Variants in ZNF346 observed in about 807,000 individuals in gnomAD.
ZNF346 encodes double-stranded RNA-binding zinc finger protein JAZ.
In ZNF346, 23 loss-of-function variants were observed where a neutral mutation model predicts 33.7. The ratio of observed to expected loss-of-function variants is 0.68; its 90% CI spans 0.49 to 0.97. The LOEUF (loss-of-function observed/expected upper bound fraction) is 0.97. Ranked by LOEUF, ZNF346 falls within the 50% of genes least tolerant of loss-of-function variation. The pLI is 0.00. For synonymous variants in ZNF346, 134 were observed against 142.4 expected, an observed-to-expected ratio of 0.94 and a Z score of 0.42; for missense variants, 340 against 371.1, an observed-to-expected ratio of 0.92 and a Z score of 0.69.
In ZNF346 at chr5:177,077,368, G is replaced by C. The variant is rs1346852312; in HGVS notation, c.*3-2014G>C. ...TATTTATAAAGGGTTTAAGAAAAAG[G>C]ATTAGCCGAAGAAAAAATTATTTGG... On this transcript the variant is annotated intron_variant, in intron 8 of 8. Transcript: ENST00000503039. The surrounding 1 kb of genome is among the most constrained non-coding windows in gnomAD (Gnocchi z 5.0). Among the ~76,000 whole-genome samples the C allele has an allele frequency of 6.6e-6, 1 of 152,162 alleles. No homozygotes were observed. Among genetic ancestry groups the C allele is most frequent in the Non-Finnish European group, 1.5e-5 (1 of 68,022 alleles).
chr5:177,079,025 C>G (rs1258034713), intron 8 of ZNF346, among the ~76,000 whole-genome samples: 2 of 151,916 alleles, frequency 1.3e-5, no homozygotes, highest in Admixed American at 6.6e-5. Flanking sequence ...AATCCCAGCA[C>G]TTTGGGAGGC....
chr5:177,058,904 G>GT (rs1212132799), intron 5 of ZNF346, among the ~76,000 whole-genome samples: 2 of 152,154 alleles, frequency 1.3e-5, no homozygotes, highest in Non-Finnish European at 2.9e-5. Context: ...GAATTTAGGT[G>GT]TTTTTGTTTT....
chr5:177,070,152 G>A (rs750923701), downstream of ZNF346, among the ~76,000 whole-genome samples: 4 of 152,166 alleles, frequency 2.6e-5, no homozygotes, highest in Admixed American at 6.6e-5. Context: ...TGGCTCTATT[G>A]ACTTACATCC....
In ZNF346 at chr5:177,050,880, T is replaced by C. The variant is rs1220059786; in HGVS notation, c.647T>C (p.Leu216Pro). Residue 216 changes from leucine (L) to proline (P), a missense_variant, in exon 5 of 7, where the codon CTC becomes CCC. Leu to Pro is a moderately conservative substitution (Grantham distance 98). Transcript: ENST00000358149. ...GKKHRKQETK[L>P]KLMARYGRLA... ...AAACACAGAAAACAGGAGACCAAGC[T>C]CAAACTAATGGCACGCTATGGGCGG... is the stretch of plus-strand genomic sequence containing the variant. 1 of 1,614,118 alleles carries C rather than the reference T, an allele frequency of 6.2e-7. No homozygotes were observed. Among genetic ancestry groups the C allele is most frequent in the Non-Finnish European group, 8.5e-7 (1 of 1,180,044 alleles).
chr5:177,028,421 G>C (rs1777135400), intron 1 of ZNF346, among the ~76,000 whole-genome samples: 1 of 147,000 alleles, frequency 6.8e-6, no homozygotes, highest in Non-Finnish European at 1.5e-5. Context: ...TTGCTGATTT[G>C]AGTGATTTGA....
In ZNF346 at chr5:177,066,641, A is replaced by G. The variant is rs1783193936; in HGVS notation, c.*2042A>G. Among the ~76,000 whole-genome samples, 1 of 152,016 alleles carries G rather than the reference A, an allele frequency of 6.6e-6. No homozygotes were observed. Among genetic ancestry groups the G allele is most frequent in the African/African-American group, 2.4e-5 (1 of 41,388 alleles). ...CCAGCTGCTCAGGAGGCTAAGGCAG[A>G]AAGACCATTCAAGCCCAGGAGTTCC... is the stretch of plus-strand genomic sequence containing the variant. On this transcript the variant is annotated 3_prime_UTR_variant, in exon 7 of 7. Transcript: ENST00000358149.
At chr5:177,041,314 T>C in intron 2 of ZNF346, 85 bp downstream of exon 2, 1 of 1,142,702 alleles carries the variant, frequency 8.8e-7, no homozygotes, top group Non-Finnish European at 1.3e-6. Flanking sequence ...TGGTGAAGTG[T>C]AATTGCTGCT....
rs1561984011 is a variant in ZNF346, at chr5:177,038,875, C to CG, written c.176-2251_176-2250insG. Among the ~76,000 whole-genome samples the CG allele has an allele frequency of 7.6e-3, 679 of 89,158 alleles. 6 individuals carry two copies. Among genetic ancestry groups the CG allele is most frequent in the African/African-American group, 0.028 (470 of 16,980 alleles). The allele number at this position is 89,158 out of a possible 152,430, so 58.5% of individuals were successfully genotyped here. ...TTTTTTCTTCTTTTTTCTTCTTCTTCTTGTGTGTGTGTGTGTGTGTGTGTG... is the reference window on the plus strand; with the variant it reads ...TTTTTTCTTCTTTTTTCTTCTTCTTCGTTGTGTGTGTGTGTGTGTGTGTGTG... On this transcript the variant is annotated intron_variant, in intron 1 of 6. Transcript: ENST00000358149.
chr5:177,064,552 A>G lies in ZNF346; in HGVS notation c.838A>G (p.Met280Val), dbSNP rs1232655796. Residue 280 changes from methionine to valine, a missense_variant, in exon 7 of 7, where the codon ATG (methionine) becomes GTG (valine). Met to Val is a conservative substitution (Grantham distance 21). Coordinates refer to ENST00000358149, the MANE Select transcript of ZNF346 (RefSeq NM_012279.4). ...TVASSLGQIP[M>V]QRQPIQKDST... ...GGCATCATCCCTGGGCCAGATTCCA[A>G]TGCAAAGGCAACCCATTCAGAAAGA... The G allele has an allele frequency of 6.2e-6, 10 of 1,614,106 alleles. No homozygotes were observed. Among genetic ancestry groups the G allele is most frequent in the African/African-American group, 5.3e-5 (4 of 74,938 alleles).
chr5:177,041,400 C>A (rs1779318641), intron 2 of ZNF346, among the ~76,000 whole-genome samples, 171 bp downstream of exon 2: 1 of 152,174 alleles, frequency 6.6e-6, no homozygotes, highest in African/African-American at 2.4e-5. Context: ...AGTCTCATCT[C>A]CCCCATCCAA....
At chr5:177,038,887 TG>T (rs1778959726) in intron 1 of ZNF346, among the ~76,000 whole-genome samples, 2 of 150,314 alleles carry the variant, frequency 1.3e-5, no homozygotes, top group African/African-American at 4.9e-5. Context: ...TGTGTGTGTG[TG>T]TGTGTGTGTG....
intron 1 of ZNF346, among the ~76,000 whole-genome samples, chr5:177,035,077 C>T (rs569086970): frequency 1.5e-3 from 230 of 151,466 alleles, no homozygotes; most frequent in African/African-American, 5.3e-3. Flanking sequence ...AGTGTAGTGG[C>T]ACGATCTTGG....
chr5:177,055,758 T>C (rs1235213309), intron 5 of ZNF346, among the ~76,000 whole-genome samples: 1 of 151,898 alleles, frequency 6.6e-6, no homozygotes, highest in Non-Finnish European at 1.5e-5. Flanking sequence ...CTGGCCAAGA[T>C]GGCAAAACCC....
At chr5:177,034,966 C>T (rs774854676) in intron 1 of ZNF346, among the ~76,000 whole-genome samples, 4 of 152,116 alleles carry the variant, frequency 2.6e-5, no homozygotes, top group Non-Finnish European at 5.9e-5. Context: ...GGAGGCCCAA[C>T]CTAGTATCAT....
chr5:177,061,989 T>C lies in ZNF346; in HGVS notation c.704-69T>C, dbSNP rs1469225668. On this transcript the variant is annotated intron_variant, in intron 5 of 6. Coordinates refer to ENST00000358149, the MANE Select transcript of ZNF346 (RefSeq NM_012279.4). ...CGTCCTTAGAAGGGCATTTGTACAC[T>C]CTGAAAAGCAACGGTCTTCAGGTTC... is the stretch of plus-strand genomic sequence containing the variant. 6 of 1,396,198 alleles carry C rather than the reference T, an allele frequency of 4.3e-6. No individual in the cohort carries two copies. In the African/African-American group the frequency reaches 5.7e-5, roughly 13 times the overall value. 86.5% of individuals were successfully genotyped at this position (1,396,198 alleles called of 1,614,324 possible).
At chr5:177,047,543 T>C (rs929753837) in intron 4 of ZNF346, among the ~76,000 whole-genome samples, 16 of 152,058 alleles carry the variant, frequency 1.1e-4, no homozygotes, top group African/African-American at 3.9e-4. Context: ...AGTTTTGCTG[T>C]CGCCTAGACT....
intron 1 of ZNF346, among the ~76,000 whole-genome samples, chr5:177,038,409 G>C (rs989858997): frequency 6.6e-6 from 1 of 150,900 alleles, no homozygotes; most frequent in African/African-American, 2.4e-5. Flanking sequence ...CACCACAACC[G>C]GCCCTGTGAT....
At chr5:177,030,188 T>C (rs1777464315) in intron 1 of ZNF346, among the ~76,000 whole-genome samples, 1 of 152,228 alleles carries the variant, frequency 6.6e-6, no homozygotes, top group African/African-American at 2.4e-5. Flanking sequence ...TAATTTCCCT[T>C]GTAAAATTTC....
chr5:177,076,523 A>C (rs1783751323), intron 8 of ZNF346, among the ~76,000 whole-genome samples: 1 of 152,142 alleles, frequency 6.6e-6, no homozygotes, highest in South Asian at 2.1e-4. Flanking sequence ...CTTCAGCAAG[A>C]ATCCTGTTGG....
Sources: gnomAD v4.1 joint callset for allele counts (sites outside exome capture counted in the v4.1 genomes callset) on GRCh38, gnomAD v4.1.1 for gene constraint, Gnocchi (gnomAD v3.1) non-coding constraint, MANE v1.5 for transcripts, NCBI Gene and HGNC (gene_info 2026-07-23, HGNC 2026-07-21) for gene names.